CDKL1: variants seen among roughly 807,000 people sequenced by gnomAD.
The protein encoded by CDKL1 is cyclin-dependent kinase-like 1.
Under a neutral mutation model 42.0 loss-of-function variants are expected in CDKL1, and 41 were observed. The ratio of observed to expected loss-of-function variants is 0.98; its 90% confidence interval spans 0.76 to 1.27. The LOEUF is 1.27. CDKL1 is among the 50% of genes most tolerant of loss of function. The probability of loss-of-function intolerance (pLI) is 0.00; values close to 1 mark genes in which losing one functional copy is unlikely to be tolerated. For synonymous variants in CDKL1, 153 were observed against 158.6 expected (o/e 0.96, Z 0.26); for missense variants, 394 against 428.4 (o/e 0.92, Z 0.71).
chr14:50,396,447 G>A, intron 1 of CDKL1, 118 bp from the exon 2 acceptor site: 1 of 985,252 alleles, frequency 1.0e-6, no homozygotes, highest in Non-Finnish European at 1.2e-6. Context: ...TTAATCGCCC[G>A]TTAAATACCC....
At chr14:50,384,786 C>G (rs895719817) in intron 2 of CDKL1, among the ~76,000 whole-genome samples, 2 of 151,340 alleles carry the variant, frequency 1.3e-5, no homozygotes, top group Admixed American at 6.6e-5. Flanking sequence ...TTGGTTGATG[C>G]CGGCTATGGC....
chr14:50,356,481 A>G (rs1163785150), intron 3 of CDKL1, among the ~76,000 whole-genome samples: 1 of 152,234 alleles, frequency 6.6e-6, no homozygotes, highest in Non-Finnish European at 1.5e-5. Context: ...TATACACACC[A>G]TGGAATACTA....
In CDKL1 at chr14:50,341,138, C is replaced by G; in HGVS notation, c.549G>C (p.Val183=). The G allele has an allele frequency of 6.2e-7, 1 of 1,614,180 alleles. No individual in the cohort carries two copies. Residue 183 remains valine (V), a synonymous_variant, in exon 6 of 10, where the codon GTG becomes GTC. Transcript: ENST00000395834. ...AGACACAGCCAATTGCCCAAACATC[C>G]ACCGGGGGGCCGTACTGCGTGTCCC... ...LVGDTQYGPP[V]DVWAIGCVFA...
At chr14:50,386,015 A>T (rs1228748458) in intron 2 of CDKL1, among the ~76,000 whole-genome samples, 1 of 152,122 alleles carries the variant, frequency 6.6e-6, no homozygotes, top group East Asian at 1.9e-4. Context: ...GGAAATCATA[A>T]TGTGATTATA....
upstream of CDKL1, chr14:50,397,019 CT>C: frequency 8.3e-7 from 1 of 1,207,466 alleles, no homozygotes; most frequent in South Asian, 1.3e-5. Context: ...AGGGAAAGGC[CT>C]CGGAGGGCCG....
chr14:50,334,977 T>A (rs114181799), intron 7 of CDKL1: 2,501 of 209,778 alleles, frequency 0.012, 71 homozygotes, highest in African/African-American at 0.055. Context: ...TTCCTGAGAA[T>A]AATTTTTGGC....
intron 2 of CDKL1, among the ~76,000 whole-genome samples, chr14:50,377,387 C>T (rs755966226): frequency 2.0e-4 from 30 of 152,174 alleles, no homozygotes; most frequent in Admixed American, 2.6e-4. Flanking sequence ...GATGAGTCCC[C>T]GTTCCTGGTT....
intron 2 of CDKL1, among the ~76,000 whole-genome samples, chr14:50,368,220 A>G (rs1566597771): frequency 6.6e-6 from 1 of 152,288 alleles, no homozygotes; most frequent in East Asian, 1.9e-4. Flanking sequence ...TCGTCCTCCC[A>G]AAATGCTGGG....
chr14:50,346,088 G>A (rs200636281), intron 3 of CDKL1, among the ~76,000 whole-genome samples: 2 of 152,098 alleles, frequency 1.3e-5, no homozygotes, highest in Non-Finnish European at 2.9e-5. Flanking sequence ...AAGTAAATCA[G>A]GGAGGAAGCT....
chr14:50,362,358 T>G (rs938092320), intron 2 of CDKL1: 2 of 302,400 alleles, frequency 6.6e-6, no homozygotes, highest in Non-Finnish European at 1.3e-5. Flanking sequence ...GCTGGGCTCC[T>G]GAGTCTGGTG....
At chr14:50,380,802 C>CTTTGTATTTTTTTTTT (rs368170212) in intron 2 of CDKL1, among the ~76,000 whole-genome samples, 1 of 134,604 alleles carries the variant, frequency 7.4e-6, no homozygotes, top group Admixed American at 7.7e-5. Flanking sequence ...CTGTGACTTC[C>CTTTGTATTTTTTTTTT]TTTTTTTTTT....
intron 5 of CDKL1, among the ~76,000 whole-genome samples, chr14:50,341,636 C>A (rs1266552894): frequency 3.9e-5 from 6 of 152,124 alleles, no homozygotes; most frequent in Admixed American, 3.9e-4. Flanking sequence ...CAAAACTTAG[C>A]CAGGTGTGGT....
intron 3 of CDKL1, among the ~76,000 whole-genome samples, chr14:50,351,456 G>A (rs1219036989): frequency 3.3e-5 from 5 of 152,104 alleles, no homozygotes; most frequent in African/African-American, 9.7e-5. Context: ...GGGGTGGGGC[G>A]CAGTGAGTGG....
chr14:50,375,142 G>A (rs1272778634), intron 2 of CDKL1, among the ~76,000 whole-genome samples: 1 of 152,062 alleles, frequency 6.6e-6, no homozygotes, highest in Non-Finnish European at 1.5e-5. Flanking sequence ...AACTTGGGCA[G>A]GAAATATATA....
At position 50,329,060 on chromosome 14, in the gene CDKL1, T is replaced by TATAC. The variant is rs1555337386; in HGVS notation, c.*1010_*1013dup. On this transcript the variant is annotated 3_prime_UTR_variant, in exon 10 of 10. Coordinates refer to ENST00000395834, the MANE Select transcript of CDKL1 (RefSeq NM_004196.7). ...GCATATATATATATATATATATATA[T>TATAC]ATACATACACATACATACACATACA... The TATAC allele has an allele frequency of 3.8e-4, 48 of 125,818 alleles. No individual in the cohort carries two copies. The highest frequency in any genetic ancestry group is 1.4e-3 in the African/African-American group (48 of 34,970). 7.8% of individuals were successfully genotyped at this position (125,818 alleles called of 1,614,324 possible).
chr14:50,343,259 G>A (rs1645402611), intron 4 of CDKL1, among the ~76,000 whole-genome samples: 2 of 146,612 alleles, frequency 1.4e-5, no homozygotes, highest in Non-Finnish European at 3.0e-5. Flanking sequence ...ATGCTAGATC[G>A]TTTGCAACCT....
chr14:50,379,389 C>T (rs1338429423), intron 2 of CDKL1, among the ~76,000 whole-genome samples: 1 of 152,112 alleles, frequency 6.6e-6, no homozygotes, highest in African/African-American at 2.4e-5. Flanking sequence ...CAGAAAGGAG[C>T]CCAGTGGCAT....
At chr14:50,377,599 G>A (rs1343662579) in intron 2 of CDKL1, 3 of 1,357,320 alleles carry the variant, frequency 2.2e-6, no homozygotes, top group Non-Finnish European at 2.9e-6. Flanking sequence ...GATCAATCAT[G>A]GAGCAGATGG....
chr14:50,370,174 T>C (rs2034551844), intron 2 of CDKL1, among the ~76,000 whole-genome samples: 1 of 151,942 alleles, frequency 6.6e-6, no homozygotes, highest in African/African-American at 2.4e-5. Flanking sequence ...GTTCAAGTGA[T>C]TTTCCTGCCT....
Sources: allele counts gnomAD v4.1 joint callset (sites outside exome capture counted in the v4.1 genomes callset), GRCh38; gene constraint gnomAD v4.1.1; transcripts MANE v1.5; gene names NCBI Gene and HGNC (gene_info 2026-07-23, HGNC 2026-07-21).